The following DOCK4 variants were observed in gnomAD, a reference collection of about 807,000 sequenced individuals.
The protein encoded by DOCK4 is dedicator of cytokinesis 4, also known as dedicator of cytokinesis protein 4.
DOCK4 carries 97 observed loss-of-function variants against 268.1 expected under a neutral mutation model. The observed-to-expected ratio is 0.36, with a 90% confidence interval of 0.31 to 0.43. The LOEUF (loss-of-function observed/expected upper bound fraction) is 0.43. Among genes scored for constraint, DOCK4 ranks in the 20% least tolerant of loss-of-function variants. The probability of loss-of-function intolerance (pLI) is 1.00; values close to 1 mark genes in which losing one functional copy is unlikely to be tolerated. For missense variants in DOCK4, 2,145 were observed against 2,455.7 expected (o/e 0.87, Z 2.67); for synonymous variants, 954 against 887.2 (o/e 1.08, Z -1.34).
chr7:111,908,170 C>T (rs773126977), intron 13 of DOCK4, among the ~76,000 whole-genome samples: 7 of 151,540 alleles, frequency 4.6e-5, no homozygotes, highest in Non-Finnish European at 7.4e-5. Flanking sequence ...TTATATTGGC[C>T]GGGTGTGGTG....
chr7:112,122,893 A>T (rs956391328), intron 1 of DOCK4, among the ~76,000 whole-genome samples: 1 of 152,236 alleles, frequency 6.6e-6, no homozygotes, highest in African/African-American at 2.4e-5. Flanking sequence ...CAAGAACAAG[A>T]TCACTTCCAA....
intron 1 of DOCK4, among the ~76,000 whole-genome samples, chr7:112,070,674 A>G (rs1807503417): frequency 6.6e-6 from 1 of 152,214 alleles, no homozygotes; most frequent in South Asian, 2.1e-4. Flanking sequence ...TTTTATTAAA[A>G]TGAACCACTA....
chr7:111,809,005 A>ATATACATGT, intron 29 of DOCK4, 126 bp from the exon 30 acceptor site: 1 of 1,041,454 alleles, frequency 9.6e-7, no homozygotes, highest in Non-Finnish European at 1.4e-6. Context: ...AAGACATTTA[A>ATATACATGT]TATACATGTC....
chr7:111,956,860 T>C (rs1796490849), intron 8 of DOCK4, among the ~76,000 whole-genome samples: 1 of 152,162 alleles, frequency 6.6e-6, no homozygotes, highest in Non-Finnish European at 1.5e-5. Context: ...GAGATCTGTT[T>C]CAGATACATT....
At chr7:111,820,940 T>C (rs979877835) in intron 27 of DOCK4, 1 of 152,124 alleles carries the variant, frequency 6.6e-6, no homozygotes, top group African/African-American at 2.4e-5. Flanking sequence ...CCCACCTAAA[T>C]CTGTAGCATG....
At chr7:112,079,276 A>T (rs1338918593) in intron 1 of DOCK4, among the ~76,000 whole-genome samples, 1 of 152,018 alleles carries the variant, frequency 6.6e-6, no homozygotes, top group Non-Finnish European at 1.5e-5. Context: ...ATTGAGGGAG[A>T]CTTTGCTTAC....
chr7:111,853,529 C>T (rs1385420950), intron 23 of DOCK4, among the ~76,000 whole-genome samples: 1 of 152,168 alleles, frequency 6.6e-6, no homozygotes, highest in African/African-American at 2.4e-5. Context: ...TGCAAACAAG[C>T]CTTTCAGACA....
chr7:111,953,673 C>T (rs531341175), intron 8 of DOCK4: 36 of 152,364 alleles, frequency 2.4e-4, no homozygotes, highest in African/African-American at 7.7e-4. Context: ...AATCTTGCCT[C>T]TCTTAGACCA....
At chr7:112,102,789 A>G (rs543198713) in intron 1 of DOCK4, among the ~76,000 whole-genome samples, 3 of 152,310 alleles carry the variant, frequency 2.0e-5, no homozygotes, top group East Asian at 1.9e-4. Flanking sequence ...TAGCAGCCCA[A>G]ATGAACTACA....
intron 1 of DOCK4, among the ~76,000 whole-genome samples, chr7:112,102,477 T>A (rs2135818186): frequency 6.6e-6 from 1 of 152,326 alleles, no homozygotes; most frequent in South Asian, 2.1e-4. Context: ...GTTAAAATCC[T>A]AACCTCCAAT....
chr7:112,071,636 A>G (rs1308562514), intron 1 of DOCK4, among the ~76,000 whole-genome samples: 1 of 152,262 alleles, frequency 6.6e-6, no homozygotes, highest in Non-Finnish European at 1.5e-5. Flanking sequence ...TATTCAGAGC[A>G]GTCTTCAATC....
chr7:112,089,117 T>C (rs1809388087), intron 1 of DOCK4, among the ~76,000 whole-genome samples: 1 of 152,156 alleles, frequency 6.6e-6, no homozygotes, highest in Admixed American at 6.5e-5. Context: ...TGCCTATTTT[T>C]CCCTTTTTTT....
intron 7 of DOCK4, among the ~76,000 whole-genome samples, chr7:111,981,019 A>C (rs537910449): frequency 2.0e-5 from 3 of 152,246 alleles, no homozygotes; most frequent in Admixed American, 6.5e-5. Context: ...AATGAACACA[A>C]TTAGGTGAGA....
At chr7:111,809,191 G>A in intron 29 of DOCK4, 110 bp downstream of exon 29, 1 of 912,388 alleles carries the variant, frequency 1.1e-6, no homozygotes, top group Non-Finnish European at 1.7e-6. Flanking sequence ...CTTGGTCACT[G>A]GTTCTTCACT....
At position 111,762,762 on chromosome 7, in the gene DOCK4, CTTTTTTTT is replaced by C. The variant is rs869052136; in HGVS notation, c.4020+2348_4020+2355del. 7.1e-3 allele frequency among the ~76,000 whole-genome samples: 450 copies of C among 63,112 alleles called. 8 individuals carry two copies. The highest frequency in any genetic ancestry group is 0.011 in the Non-Finnish European group (365 of 33,398). The allele number at this position is 63,112 out of a possible 152,430, so 41.4% of individuals were successfully genotyped here. On this transcript the variant is annotated intron_variant, in intron 39 of 52. Coordinates refer to ENST00000428084, the MANE Select transcript of DOCK4 (RefSeq NM_001363540.2). The stretch of plus-strand genomic sequence containing the variant: ...TAAATAACCCATTTTGTTTTGTTTT[CTTTTTTTT>C]TTTTTTTTTTTTTTTTGGAGACAGG...
intron 13 of DOCK4, among the ~76,000 whole-genome samples, chr7:111,910,542 G>C (rs1356221422): frequency 6.6e-6 from 1 of 152,142 alleles, no homozygotes; most frequent in Non-Finnish European, 1.5e-5. Flanking sequence ...CTATTAAAAC[G>C]CTAATATTTT....
At chr7:111,758,083 C>T (rs1360477738) in intron 41 of DOCK4, among the ~76,000 whole-genome samples, 1 of 152,084 alleles carries the variant, frequency 6.6e-6, no homozygotes, top group African/African-American at 2.4e-5. Context: ...TGCTTTTACT[C>T]GGAGTCCTGA....
Position 111,782,798 on chromosome 7 carries a change from T to C in DOCK4, c.3585+66A>G, listed in dbSNP as rs943113657. The C allele has an allele frequency of 9.5e-6, 14 of 1,477,116 alleles. 1 individual carries two copies. Among genetic ancestry groups the C allele is most frequent in the South Asian group, 2.3e-5 (2 of 87,860 alleles). The allele number at this position is 1,477,116 out of a possible 1,614,324, so 91.5% of individuals were successfully genotyped here. On this transcript the variant is annotated intron_variant, in intron 35 of 52. Coordinates refer to ENST00000428084, the MANE Select transcript of DOCK4 (RefSeq NM_001363540.2). ...TTGCAGATTAAACACAAACAAAACA[T>C]AGTATTTCTGGGAAAAAAATACAAG...
At chr7:111,993,345 G>A (rs1799682781) in intron 5 of DOCK4, among the ~76,000 whole-genome samples, 1 of 152,090 alleles carries the variant, frequency 6.6e-6, no homozygotes, top group South Asian at 2.1e-4. Flanking sequence ...AAAAATAAAA[G>A]AAGAAATAGC....
Sources: allele counts gnomAD v4.1 joint callset (sites outside exome capture counted in the v4.1 genomes callset), GRCh38; gene constraint gnomAD v4.1.1; transcripts MANE v1.5; gene names NCBI Gene and HGNC (gene_info 2026-07-23, HGNC 2026-07-21).